The following COL22A1 variants were observed in gnomAD, a reference collection of about 807,000 sequenced individuals.
COL22A1 encodes collagen alpha-1(XXII) chain.
In COL22A1, 221 loss-of-function variants were observed where a neutral mutation model predicts 248.9. That is an observed-to-expected ratio of 0.89 (90% confidence interval 0.80 to 0.99). The LOEUF is 0.99. Among genes scored for constraint, COL22A1 ranks in the 50% least tolerant of loss-of-function variants. The probability of loss-of-function intolerance (pLI) is 0.00; values close to 1 mark genes in which losing one functional copy is unlikely to be tolerated. For synonymous variants in COL22A1, 891 were observed against 793.4 expected, an observed-to-expected ratio of 1.12 and a Z score of -2.07; for missense variants, 2,240 against 2,179.0, an observed-to-expected ratio of 1.03 and a Z score of -0.56.
In COL22A1 at chr8:138,907,781, A is replaced by C. The variant is rs551264488; in HGVS notation, c.-73+5838T>G. Among the ~76,000 whole-genome samples the C allele has an allele frequency of 5.3e-5, 8 of 152,358 alleles. No homozygotes were observed. In the East Asian group the frequency reaches 1.4e-3, roughly 26 times the overall value. On this transcript the variant is annotated intron_variant, in intron 1 of 64. Coordinates refer to ENST00000303045, the MANE Select transcript of COL22A1 (RefSeq NM_152888.3). Reference sequence around the variant, plus strand: ...CCCACAGCAGAAGGCAGAAGCACGCATGTAAAACAGAGAGAGGACCCACAG... The same window carrying C: ...CCCACAGCAGAAGGCAGAAGCACGCCTGTAAAACAGAGAGAGGACCCACAG...
rs115802636 is a variant in COL22A1 at position 138,748,472 on chromosome 8, G to A, written c.2085+2986C>T. Among the ~76,000 whole-genome samples the A allele has an allele frequency of 3.6e-3, 547 of 152,328 alleles. 5 individuals carry two copies. The highest frequency in any genetic ancestry group is 0.012 in the African/African-American group (514 of 41,570). On this transcript the variant is annotated intron_variant, in intron 22 of 64. Transcript: ENST00000303045. Reference sequence around the variant, plus strand: ...AGTCAGACTTTGGGGACGCACAGCCGCACGTGCGAATCCCTGAGGGGCCAC... The same window carrying A: ...AGTCAGACTTTGGGGACGCACAGCCACACGTGCGAATCCCTGAGGGGCCAC...
intron 19 of COL22A1, 89 bp downstream of exon 19, chr8:138,755,696 G>T: frequency 7.0e-7 from 1 of 1,426,304 alleles, no homozygotes; most frequent in Admixed American, 1.7e-5. Flanking sequence ...CCTTGGAAGA[G>T]CGTTGCCTTA....
chr8:138,668,535 A>G (rs1824713695), intron 41 of COL22A1, among the ~76,000 whole-genome samples: 1 of 152,230 alleles, frequency 6.6e-6, no homozygotes, highest in South Asian at 2.1e-4. Context: ...ATGGCTTTAG[A>G]TATGTGAAAC....
At chr8:138,590,574 A>T (rs1564068989) in intron 64 of COL22A1, among the ~76,000 whole-genome samples, 1 of 152,146 alleles carries the variant, frequency 6.6e-6, no homozygotes, top group Non-Finnish European at 1.5e-5. Flanking sequence ...TATCTAACAA[A>T]AATAATAATA....
chr8:138,765,012 C>T (rs986701240), intron 16 of COL22A1, among the ~76,000 whole-genome samples: 3 of 152,136 alleles, frequency 2.0e-5, no homozygotes, highest in African/African-American at 4.8e-5. Flanking sequence ...ACACTTGGGG[C>T]GAATGGTGAG....
At chr8:138,867,350 C>A (rs755215497) in intron 3 of COL22A1, among the ~76,000 whole-genome samples, 2 of 152,212 alleles carry the variant, frequency 1.3e-5, no homozygotes, top group Non-Finnish European at 1.5e-5. Flanking sequence ...TCAACTCCCT[C>A]TCTGTGACGT....
chr8:138,711,745 G>A (rs1464667875), intron 30 of COL22A1, among the ~76,000 whole-genome samples: 2 of 152,186 alleles, frequency 1.3e-5, no homozygotes, highest in Admixed American at 6.5e-5. Context: ...AATTGGAGGG[G>A]AGAAAGTAAA....
intron 21 of COL22A1, among the ~76,000 whole-genome samples, chr8:138,754,888 G>A (rs1024382021): frequency 6.6e-6 from 1 of 152,130 alleles, no homozygotes; most frequent in Non-Finnish European, 1.5e-5. Flanking sequence ...ATCATGGCCC[G>A]CTGGGGACTG....
In COL22A1 at chr8:138,688,174, TG is replaced by T. The variant is rs760478832; in HGVS notation, c.2862+742del. ...GGTGTAGATTCTCCTTCTTGGCCTC[TG>T]GGTTTTTTTTTTTTTTAATTGGTAT... On this transcript the variant is annotated intron_variant, in intron 37 of 64. Transcript: ENST00000303045. 9.0e-4 allele frequency among the ~76,000 whole-genome samples: 14 copies of T among 15,486 alleles called. No homozygotes were observed. The Admixed American group carries it at 0.016, about 17-fold the overall frequency. 10.2% of individuals were successfully genotyped at this position (15,486 alleles called of 152,430 possible). A position where few individuals can be genotyped will look rare whatever the true frequency, so the allele number is the denominator to read the frequency against.
At chr8:138,590,157 G>A (rs2131761586) in intron 64 of COL22A1, among the ~76,000 whole-genome samples, 1 of 152,204 alleles carries the variant, frequency 6.6e-6, no homozygotes, top group Admixed American at 6.5e-5. Context: ...AACTCGGAAG[G>A]TCAGTGCTAA....
chr8:138,601,365 C>A (rs996295896), intron 60 of COL22A1, among the ~76,000 whole-genome samples: 2 of 152,054 alleles, frequency 1.3e-5, no homozygotes, highest in Non-Finnish European at 2.9e-5. Context: ...CCAGCCGGCT[C>A]CCCACCCACC....
chr8:138,603,495 T>C (rs1396078428), intron 59 of COL22A1, among the ~76,000 whole-genome samples: 1 of 152,168 alleles, frequency 6.6e-6, no homozygotes, highest in Admixed American at 6.5e-5. Flanking sequence ...GCTCCCATTC[T>C]AAGGGGAGAG....
intron 9 of COL22A1, 105 bp from the exon 10 acceptor site, chr8:138,807,917 A>G: frequency 8.6e-7 from 1 of 1,157,342 alleles, no homozygotes; most frequent in Non-Finnish European, 1.3e-6. Context: ...CCAATGGCTT[A>G]GTAAGCCCAG....
chr8:138,869,424 C>T (rs1453049568), intron 3 of COL22A1, among the ~76,000 whole-genome samples: 2 of 152,100 alleles, frequency 1.3e-5, no homozygotes, highest in Non-Finnish European at 2.9e-5. Context: ...GTCTGAAATG[C>T]GCTGACAGTG....
In COL22A1 at chr8:138,635,019, A is replaced by G. The variant is rs10091563; in HGVS notation, c.3600T>C (p.Pro1200=). The part of the protein sequence containing the change: ...VPGFMGPPGN[P]GPPGADGIAG... ...AAAGATGATTACTTACTGGTGGCCCAGGGTTCCCTGGGGGCCCCATGAAAC... is the reference window on the plus strand; with the variant it reads ...AAAGATGATTACTTACTGGTGGCCCGGGGTTCCCTGGGGGCCCCATGAAAC... Residue 1200 remains proline (P), a synonymous_variant, in exon 49 of 65, where the codon CCT becomes CCC. Coordinates refer to ENST00000303045, the MANE Select transcript of COL22A1 (RefSeq NM_152888.3). The G allele has an allele frequency of 0.82, 1,315,670 of 1,604,038 alleles. 545,804 individuals are homozygous for G. The highest frequency in any genetic ancestry group is 0.87 in the East Asian group (38,865 of 44,762).
chr8:138,862,548 T>C (rs1184802488), intron 3 of COL22A1, among the ~76,000 whole-genome samples: 1 of 20,542 alleles, frequency 4.9e-5, no homozygotes, highest in Non-Finnish European at 9.0e-5. Context: ...TTTCTTACCC[T>C]CCCACTGTGT....
chr8:138,715,583 A>G (rs1829366168), intron 30 of COL22A1, 99 bp downstream of exon 30: 5 of 764,970 alleles, frequency 6.5e-6, no homozygotes, highest in African/African-American at 1.8e-5. Flanking sequence ...AAAAAAAAAA[A>G]AAAAAAAAAG....
chr8:138,716,163 G>C, intron 29 of COL22A1, 64 bp downstream of exon 29: 1 of 1,263,960 alleles, frequency 7.9e-7, no homozygotes, highest in East Asian at 2.5e-5. Context: ...GACTCCACAG[G>C]GGGCTGCTCT....
chr8:138,870,901 T>G (rs1031753166), intron 3 of COL22A1, among the ~76,000 whole-genome samples: 1 of 151,554 alleles, frequency 6.6e-6, no homozygotes, highest in Non-Finnish European at 1.5e-5. Context: ...ATCTAGGGTG[T>G]GTGATGTGCC....
Sources: gnomAD v4.1 joint callset for allele counts (sites outside exome capture counted in the v4.1 genomes callset) on GRCh38, gnomAD v4.1.1 for gene constraint, MANE v1.5 for transcripts, NCBI Gene and HGNC (gene_info 2026-07-23, HGNC 2026-07-21) for gene names.